The following NOX4 variants were observed in gnomAD, a reference collection of about 807,000 sequenced individuals.
NOX4 encodes kidney oxidase-1.
Under a neutral mutation model 87.6 loss-of-function variants are expected in NOX4, and 69 were observed. That is an observed-to-expected ratio of 0.79 (90% CI 0.65 to 0.96). NOX4 has a LOEUF of 0.96. NOX4 is among the 40% of genes least tolerant of loss of function. The pLI, the probability that NOX4 is intolerant of heterozygous loss-of-function variation, is 0.00. For missense variants in NOX4, 680 were observed against 681.5 expected (o/e 1.00, Z 0.02); for synonymous variants, 275 against 238.2 (o/e 1.15, Z -1.42).
chr11:89,402,268 T>A, intron 9 of NOX4, 58 bp downstream of exon 9: 1 of 1,223,326 alleles, frequency 8.2e-7, no homozygotes, highest in Non-Finnish European at 1.2e-6. Context: ...TTATATGTGA[T>A]GTTGATCAGT....
At chr11:89,370,403 C>T (rs919553995) in intron 12 of NOX4, among the ~76,000 whole-genome samples, 93 of 151,724 alleles carry the variant, frequency 6.1e-4, no homozygotes, top group African/African-American at 2.0e-3. Flanking sequence ...TGTAGCACAA[C>T]ACAAACACCT....
rs1946848475 is a variant in NOX4 at position 89,491,354 on chromosome 11, G to A, written c.-108C>T. ...GCGGCCTGCCGGGCCGCTGAGCGAG[G>A]ACCGAGGGTCAAAGACTGAGTGGAA... On this transcript the variant is annotated 5_prime_UTR_variant, in exon 1 of 18. Coordinates refer to ENST00000263317, the MANE Select transcript of NOX4 (RefSeq NM_016931.5). 1 of 1,049,324 alleles carries A rather than the reference G, an allele frequency of 9.5e-7. No homozygotes were observed. Among genetic ancestry groups the A allele is most frequent in the Admixed American group, 2.9e-5 (1 of 34,506 alleles). 65.0% of individuals were successfully genotyped at this position (1,049,324 alleles called of 1,614,324 possible).
At chr11:89,348,638 G>A (rs1946319397) in intron 13 of NOX4, among the ~76,000 whole-genome samples, 1 of 152,008 alleles carries the variant, frequency 6.6e-6, no homozygotes, top group African/African-American at 2.4e-5. Flanking sequence ...GGTATTCTAG[G>A]CCCTGTCCAC....
intron 7 of NOX4, among the ~76,000 whole-genome samples, chr11:89,424,287 C>T (rs1204784648): frequency 6.6e-6 from 1 of 151,084 alleles, no homozygotes; most frequent in Non-Finnish European, 1.5e-5. Context: ...TGATTTATAT[C>T]CAATTACCTT....
intron 6 of NOX4, among the ~76,000 whole-genome samples, chr11:89,434,369 A>T (rs909602570): frequency 1.3e-5 from 2 of 152,066 alleles, no homozygotes; most frequent in Non-Finnish European, 2.9e-5. Context: ...GCCTAACAAA[A>T]GGTGCCCTTC....
chr11:89,503,810 T>C, the NOX4 span, among the ~76,000 whole-genome samples: 4 of 149,186 alleles, frequency 2.7e-5, no homozygotes, highest in Admixed American at 2.7e-4. Context: ...TCCTATAACA[T>C]TGAAATCTCA....
chr11:89,394,071 G>C (rs1179169060), intron 11 of NOX4, among the ~76,000 whole-genome samples: 1 of 147,822 alleles, frequency 6.8e-6, no homozygotes, highest in Non-Finnish European at 1.5e-5. Flanking sequence ...GCCATAGAAG[G>C]GACTTACTTA....
chr11:89,576,299 TG>T, the NOX4 span, among the ~76,000 whole-genome samples: 1 of 152,320 alleles, frequency 6.6e-6, no homozygotes, highest in East Asian at 1.9e-4. Flanking sequence ...GTTCACTACC[TG>T]TCACTAGATC....
chr11:89,459,172 T>C (rs981816442), intron 2 of NOX4, among the ~76,000 whole-genome samples: 3 of 152,074 alleles, frequency 2.0e-5, no homozygotes, highest in Non-Finnish European at 4.4e-5. Flanking sequence ...ATGAATGGCC[T>C]GGAGATGATT....
the NOX4 span, among the ~76,000 whole-genome samples, chr11:89,553,970 C>A: frequency 6.6e-6 from 1 of 151,198 alleles, no homozygotes; most frequent in Non-Finnish European, 1.5e-5. Flanking sequence ...CGGAAACTGG[C>A]AGGCAGGGTA....
At chr11:89,469,635 A>G (rs1945845143) in intron 2 of NOX4, among the ~76,000 whole-genome samples, 1 of 152,170 alleles carries the variant, frequency 6.6e-6, no homozygotes, top group Admixed American at 6.5e-5. Flanking sequence ...CAAGAATGGG[A>G]ACCCAAGTCT....
chr11:89,530,293 C>A, the NOX4 span, among the ~76,000 whole-genome samples: 7 of 150,374 alleles, frequency 4.7e-5, no homozygotes, highest in African/African-American at 1.7e-4. Context: ...CCCTCACTCT[C>A]TCCATAATAC....
chr11:89,346,675 T>C (rs1282293970), intron 13 of NOX4, among the ~76,000 whole-genome samples: 1 of 152,032 alleles, frequency 6.6e-6, no homozygotes, highest in East Asian at 1.9e-4. Context: ...AGCTATAGAC[T>C]CGGCTTGGCC....
chr11:89,570,281 C>T, the NOX4 span, among the ~76,000 whole-genome samples: 2 of 152,122 alleles, frequency 1.3e-5, no homozygotes, highest in African/African-American at 4.8e-5. Context: ...CATGTTCTCA[C>T]TTATAAGTGG....
At chr11:89,434,797 T>C (rs1237214996) in intron 6 of NOX4, among the ~76,000 whole-genome samples, 2 of 151,924 alleles carry the variant, frequency 1.3e-5, no homozygotes, top group African/African-American at 2.4e-5. Context: ...AAAGTGTTGA[T>C]AGATAAGCAA....
Position 89,326,662 on chromosome 11 carries a change from TTGGCA to T in NOX4, c.*89_*93del. ...ATAAATAAGAAAACCTTACTATTCT[TTGGCA>T]TAACACAGCTGATTGATTCCGCTGA... On this transcript the variant is annotated 3_prime_UTR_variant, in exon 18 of 18. Coordinates refer to ENST00000263317, the MANE Select transcript of NOX4 (RefSeq NM_016931.5). 9.6e-7 allele frequency: 1 copy of T among 1,036,728 alleles called. No homozygotes were observed. The highest frequency in any genetic ancestry group is 1.4e-6 in the Non-Finnish European group (1 of 719,926). 64.2% of individuals were successfully genotyped at this position (1,036,728 alleles called of 1,614,324 possible).
At position 89,444,209 on chromosome 11, in the gene NOX4, C is replaced by T. The variant is rs1274487713; in HGVS notation, c.373G>A (p.Val125Met). ...FSGVHVAAHL[V>M]NALNFSVNYS... Reference sequence around the variant, plus strand: ...TTCACTGAGAAGTTGAGGGCATTCACCAGATGGGCAGCCACATGCACGCCT... The same window carrying T: ...TTCACTGAGAAGTTGAGGGCATTCATCAGATGGGCAGCCACATGCACGCCT... The change falls in exon 5 of 18, where the codon GTG (valine) becomes ATG (methionine). Residue 125 changes from valine (V) to methionine (M), a missense_variant. Val to Met is a conservative substitution (Grantham distance 21). Transcript: ENST00000263317. 2 of 1,613,464 alleles carry T rather than the reference C, an allele frequency of 1.2e-6. No homozygotes were observed. The highest frequency in any genetic ancestry group is 8.5e-7 in the Non-Finnish European group (1 of 1,179,636).
chr11:89,444,845 C>T (rs1032348486), intron 4 of NOX4, among the ~76,000 whole-genome samples: 8 of 151,924 alleles, frequency 5.3e-5, no homozygotes, highest in African/African-American at 1.2e-4. Context: ...ACAAAGGGCT[C>T]GACTGACTTA....
At chr11:89,457,553 G>A (rs1008835597) in intron 2 of NOX4, among the ~76,000 whole-genome samples, 3 of 152,176 alleles carry the variant, frequency 2.0e-5, no homozygotes, top group African/African-American at 7.2e-5. Flanking sequence ...GCAGCTGAGG[G>A]CCTAGTACAG....
Sources: gnomAD v4.1 joint callset for allele counts (sites outside exome capture counted in the v4.1 genomes callset) on GRCh38, gnomAD v4.1.1 for gene constraint, MANE v1.5 for transcripts, NCBI Gene and HGNC (gene_info 2026-07-23, HGNC 2026-07-21) for gene names.